The following ETV3 variants were observed in gnomAD, a reference collection of about 807,000 sequenced individuals.
ETV3 encodes the protein ETS variant transcription factor 3, also known as ETS translocation variant 3.
A neutral mutation model predicts 33.0 loss-of-function variants in ETV3; 8 were observed. The observed-to-expected ratio is 0.24, with a 90% CI of 0.14 to 0.44. The LOEUF (loss-of-function observed/expected upper bound fraction) is 0.44. ETV3 is among the 20% of genes least tolerant of loss of function. ETV3 has a pLI of 1.00. For missense variants in ETV3, 473 were observed against 652.3 expected (o/e 0.73, Z 2.99); for synonymous variants, 222 against 238.9 (o/e 0.93, Z 0.65).
At chr1:157,127,190 G>A (rs1674862022) in intron 4 of ETV3, among the ~76,000 whole-genome samples, 1 of 152,214 alleles carries the variant, frequency 6.6e-6, no homozygotes, top group Admixed American at 6.5e-5. Context: ...GGAAAGTAAT[G>A]CATTAAAAAC....
At chr1:157,129,432 T>C (rs1674920372) in intron 4 of ETV3, among the ~76,000 whole-genome samples, 1 of 152,256 alleles carries the variant, frequency 6.6e-6, no homozygotes, top group African/African-American at 2.4e-5. Context: ...GCTGTGTATT[T>C]GTGATTGGAA....
At chr1:157,135,420 C>A in intron 3 of ETV3, 51 bp downstream of exon 3, 1 of 1,599,924 alleles carries the variant, frequency 6.3e-7, no homozygotes, top group East Asian at 2.2e-5. Flanking sequence ...CACCAAACAG[C>A]TTAGTCTCCT....
intron 4 of ETV3, chr1:157,133,422 A>C: frequency 1.0e-6 from 1 of 985,540 alleles, no homozygotes; most frequent in Non-Finnish European, 1.2e-6. Context: ...TAAGGAAAAA[A>C]ATCACAAACA....
At chr1:157,128,085 C>T (rs1558030186) in intron 4 of ETV3, among the ~76,000 whole-genome samples, 1 of 152,134 alleles carries the variant, frequency 6.6e-6, no homozygotes, top group South Asian at 2.1e-4. Context: ...AAAAAAGGTA[C>T]ACAGATATGG....
In ETV3 at chr1:157,124,726, G is replaced by T; in HGVS notation, c.*115C>A. The T allele has an allele frequency of 9.5e-7, 1 of 1,051,152 alleles. No homozygotes were observed. The highest frequency in any genetic ancestry group is 1.3e-6 in the Non-Finnish European group (1 of 752,374). The allele number at this position is 1,051,152 out of a possible 1,614,324, so 65.1% of individuals were successfully genotyped here. A position where few individuals can be genotyped will look rare whatever the true frequency, so the allele number is the denominator to read the frequency against. ...CCAAAACATAAAAATACAAGTCTAT[G>T]CCCCTAGAATGATCAAACCAGTTTA... On this transcript the variant is annotated 3_prime_UTR_variant, in exon 5 of 5. Transcript: ENST00000368192.
rs1202264945 is a variant in ETV3 at position 157,134,194 on chromosome 1, T to C, written c.318A>G (p.Thr106=). The change falls in exon 4 of 5, where the codon ACA becomes ACG. Residue 106 remains threonine, a synonymous_variant. Transcript: ENST00000368192. ...YYYNKRILHK[T]KGKRFTYKFN... The stretch of plus-strand genomic sequence containing the variant: ...ATTTATAGGTAAATCTTTTCCCTTT[T>C]GTTTTATGAAGGATCCTCTTGTTGT... 2 of 1,613,780 alleles carry C rather than the reference T, an allele frequency of 1.2e-6. No homozygotes were observed. The highest frequency in any genetic ancestry group is 4.5e-5 in the East Asian group (2 of 44,882).
chr1:157,125,177 C>T lies in ETV3; in HGVS notation c.1203G>A (p.Glu401=), dbSNP rs1452314094. The T allele has an allele frequency of 1.3e-6, 2 of 1,552,084 alleles. No individual in the cohort carries two copies. Among genetic ancestry groups the T allele is most frequent in the Non-Finnish European group, 1.7e-6 (2 of 1,147,050 alleles). The change falls in exon 5 of 5, where the codon GAG becomes GAA. Residue 401 remains glutamate (E), a synonymous_variant. Transcript: ENST00000368192. This position sits in a 1 kb window ranked among gnomAD's most constrained non-coding sequence, Gnocchi z 4.0. The part of the protein sequence containing the change: ...ESLRQSAREK[E]EHTQEEGTVP... ...CAGTGCCCTCTTCTTGAGTGTGCTC[C>T]TCCTTCTCTCGTGCCGACTGCCTGA...
At position 157,125,795 on chromosome 1, in the gene ETV3, C is replaced by T; in HGVS notation, c.585G>A (p.Glu195=). 6.4e-7 allele frequency: 1 copy of T among 1,551,740 alleles called. No individual in the cohort carries two copies. Among genetic ancestry groups the T allele is most frequent in the East Asian group, 2.4e-5 (1 of 40,918 alleles). Residue 195 remains glutamate, a synonymous_variant, in exon 5 of 5, where the codon GAG becomes GAA. Coordinates refer to ENST00000368192, the MANE Select transcript of ETV3 (RefSeq NM_001145312.3). This position sits in a 1 kb window ranked among gnomAD's most constrained non-coding sequence, Gnocchi z 4.0. ...TDRKTELSEL[E]DGSAADWRRG... Reference sequence around the variant, plus strand: ...GGCGCCAGTCAGCAGCTGAGCCATCCTCCAGCTCTGAAAGCTCAGTCTTTC... The same window carrying T: ...GGCGCCAGTCAGCAGCTGAGCCATCTTCCAGCTCTGAAAGCTCAGTCTTTC...
intron 1 of ETV3, among the ~76,000 whole-genome samples, chr1:157,137,575 C>T (rs925729693): frequency 1.3e-5 from 2 of 151,192 alleles, no homozygotes; most frequent in South Asian, 2.1e-4. Flanking sequence ...AATAACGAGG[C>T]ACCGGGGCTG....
chr1:157,130,169 AAAT>A (rs1220818257), intron 4 of ETV3, among the ~76,000 whole-genome samples: 7 of 152,152 alleles, frequency 4.6e-5, no homozygotes, highest in Non-Finnish European at 7.3e-5. Context: ...TAAAAAAGAA[AAAT>A]AAACTGGAGG....
rs765475173 is a variant in ETV3, at chr1:157,121,669, T to G, written c.*3172A>C. On this transcript the variant is annotated 3_prime_UTR_variant, in exon 5 of 5. Transcript: ENST00000368192. ...ATAAAAATGTACGTTCCATTACTGT[T>G]TACAAAACAAAAAGCACAAACATAA... 2.0e-5 allele frequency: 3 copies of G among 152,198 alleles called. No homozygotes were observed. Among genetic ancestry groups the G allele is most frequent in the Non-Finnish European group, 4.4e-5 (3 of 68,038 alleles). The allele number at this position is 152,198 out of a possible 1,614,324, so 9.4% of individuals were successfully genotyped here. A position where few individuals can be genotyped will look rare whatever the true frequency, so the allele number is the denominator to read the frequency against.
rs1674783143 is a variant in ETV3 at position 157,124,688 on chromosome 1, C to A, written c.*153G>T. The A allele has an allele frequency of 5.2e-6, 4 of 761,970 alleles. No individual in the cohort carries two copies. The allele number at this position is 761,970 out of a possible 1,614,324, so 47.2% of individuals were successfully genotyped here. ...CCACCTAATTTACAACAGAAGATAA[C>A]CCCATCCCATCCCCAAAACATAAAA... is the stretch of plus-strand genomic sequence containing the variant. On this transcript the variant is annotated 3_prime_UTR_variant, in exon 5 of 5. Coordinates refer to ENST00000368192, the MANE Select transcript of ETV3 (RefSeq NM_001145312.3).
In ETV3 at chr1:157,124,690, C is replaced by T; in HGVS notation, c.*151G>A. ...ACCTAATTTACAACAGAAGATAACC[C>T]CATCCCATCCCCAAAACATAAAAAT... On this transcript the variant is annotated 3_prime_UTR_variant, in exon 5 of 5. Coordinates refer to ENST00000368192, the MANE Select transcript of ETV3 (RefSeq NM_001145312.3). 2.6e-6 allele frequency: 2 copies of T among 774,952 alleles called. No homozygotes were observed. The highest frequency in any genetic ancestry group is 3.9e-6 in the Non-Finnish European group (2 of 506,728). 48.0% of individuals were successfully genotyped at this position (774,952 alleles called of 1,614,324 possible). A position where few individuals can be genotyped will look rare whatever the true frequency, so the allele number is the denominator to read the frequency against.
Position 157,124,949 on chromosome 1 carries a change from C to A in ETV3, c.1431G>T (p.Lys477Asn). The change falls in exon 5 of 5, where the codon AAG becomes AAT. Residue 477 changes from lysine to asparagine, a missense_variant. Physicochemically the swap from Lys to Asn is moderately conservative, Grantham distance 94 (BLOSUM62 0). This residue lies in a region of ETV3 where 410 missense variants were observed against 520.2 expected (regional missense o/e 0.79). Coordinates refer to ENST00000368192, the MANE Select transcript of ETV3 (RefSeq NM_001145312.3). ...CTTCAGGGTCATCATTCCAGCGCCG[C>A]TTCAACCGAAGCTTGGGGGGCATCA... ...DALMPPKLRL[K>N]RRWNDDPEAR... The A allele has an allele frequency of 6.4e-7, 1 of 1,551,844 alleles. No individual in the cohort carries two copies. The highest frequency in any genetic ancestry group is 8.7e-7 in the Non-Finnish European group (1 of 1,147,048).
Position 157,124,238 on chromosome 1 carries a change from C to CAAAAAAAAAAAAAA in ETV3, c.*589_*602dup, listed in dbSNP as rs11348539. The CAAAAAAAAAAAAAA allele has an allele frequency of 5.9e-5, 4 of 67,688 alleles. No homozygotes were observed. The highest frequency in any genetic ancestry group is 8.7e-5 in the Non-Finnish European group (3 of 34,590). The allele number at this position is 67,688 out of a possible 1,614,324, so 4.2% of individuals were successfully genotyped here. A position where few individuals can be genotyped will look rare whatever the true frequency, so the allele number is the denominator to read the frequency against. On this transcript the variant is annotated 3_prime_UTR_variant, in exon 5 of 5. Transcript: ENST00000368192. ...GAAAAAAATGCCAAACAACACCAAC[C>CAAAAAAAAAAAAAA]AAAAAAAAAAAAAAAAAAAAAAGAA...
intron 3 of ETV3, among the ~76,000 whole-genome samples, chr1:157,134,842 A>G (rs1392095669): frequency 6.6e-6 from 1 of 152,222 alleles, no homozygotes; most frequent in Non-Finnish European, 1.5e-5. Context: ...AATTATCTGG[A>G]ACCTTTAGTC....
chr1:157,136,090 C>G (rs1303327770), intron 2 of ETV3, among the ~76,000 whole-genome samples: 3 of 152,204 alleles, frequency 2.0e-5, no homozygotes, highest in Non-Finnish European at 4.4e-5. Context: ...GTGTCTCTGA[C>G]AGCAAAGAGA....
intron 3 of ETV3, 113 bp from the exon 4 acceptor site, chr1:157,134,340 C>G: frequency 7.3e-7 from 1 of 1,378,154 alleles, no homozygotes; most frequent in Non-Finnish European, 9.6e-7. Flanking sequence ...TTACAAAAAT[C>G]ACTACCAATC....
At chr1:157,137,263 T>C (rs972281322) in intron 1 of ETV3, among the ~76,000 whole-genome samples, 8 of 152,082 alleles carry the variant, frequency 5.3e-5, no homozygotes, top group Non-Finnish European at 1.5e-5. Flanking sequence ...ACCCTCGCTG[T>C]TCCCCAGGGT....
Sources: allele counts gnomAD v4.1 joint callset (sites outside exome capture counted in the v4.1 genomes callset), GRCh38; gene constraint gnomAD v4.1.1; regional missense constraint gnomAD v4.1.1; non-coding constraint Gnocchi (gnomAD v3.1); transcripts MANE v1.5; gene names NCBI Gene and HGNC (gene_info 2026-07-23, HGNC 2026-07-21).